LPP: variants seen among roughly 807,000 people sequenced by gnomAD.
LPP encodes the protein lipoma-preferred partner.
Under a neutral mutation model 60.4 loss-of-function variants are expected in LPP, and 38 were observed. That is an observed-to-expected ratio of 0.63 (90% confidence interval 0.49 to 0.83). The LOEUF (loss-of-function observed/expected upper bound fraction) is 0.83. LPP is among the 40% of genes least tolerant of loss of function. The pLI is 0.00. For synonymous variants in LPP, 328 were observed against 290.8 expected (o/e 1.13, Z -1.30); for missense variants, 902 against 783.6 (o/e 1.15, Z -1.80).
intron 2 of LPP, among the ~76,000 whole-genome samples, chr3:188,243,216 T>A (rs1282519791): frequency 6.6e-6 from 1 of 152,164 alleles, no homozygotes; most frequent in African/African-American, 2.4e-5. Flanking sequence ...GAAACTTGAT[T>A]TTTTCTGTTC....
chr3:188,720,798 A>T (rs78040873), intron 8 of LPP, among the ~76,000 whole-genome samples: 4,974 of 152,284 alleles, frequency 0.033, 139 homozygotes, highest in South Asian at 0.1. Context: ...TTGAGCTTGC[A>T]TGAGCCTTGA....
At chr3:188,190,820 T>C (rs1037537787) in intron 1 of LPP, among the ~76,000 whole-genome samples, 1 of 152,226 alleles carries the variant, frequency 6.6e-6, no homozygotes, top group African/African-American at 2.4e-5. Context: ...ACTGTGAAAG[T>C]TGAGCAAGTC....
chr3:188,872,395 A>G (rs1434564772), intron 10 of LPP, among the ~76,000 whole-genome samples: 1 of 152,188 alleles, frequency 6.6e-6, no homozygotes, highest in Non-Finnish European at 1.5e-5. Flanking sequence ...CGCACCATGC[A>G]GGAAAGAGAT....
intron 1 of LPP, among the ~76,000 whole-genome samples, chr3:188,187,816 T>A (rs1727041258): frequency 6.6e-6 from 1 of 152,162 alleles, no homozygotes; most frequent in Non-Finnish European, 1.5e-5. Flanking sequence ...CATTATCTGT[T>A]AGTCATCATT....
chr3:188,701,944 C>CTTTTTTTTTTTTTTTTTTTTTTTTTTT (rs35803152), intron 7 of LPP, among the ~76,000 whole-genome samples: 2 of 83,550 alleles, frequency 2.4e-5, no homozygotes, highest in Non-Finnish European at 4.1e-5. Flanking sequence ...GTTTTTTTCC[C>CTTTTTTTTTTTTTTTTTTTTTTTTTTT]TTTTTTTTTT....
intron 7 of LPP, among the ~76,000 whole-genome samples, chr3:188,617,234 C>A (rs557172753): frequency 1.3e-5 from 2 of 152,298 alleles, no homozygotes; most frequent in Admixed American, 1.3e-4. Flanking sequence ...TAAGTCTTAA[C>A]CCCTTACATT....
At chr3:188,516,323 T>G (rs1212382934) in intron 5 of LPP, among the ~76,000 whole-genome samples, 2 of 152,170 alleles carry the variant, frequency 1.3e-5, no homozygotes, top group Non-Finnish European at 2.9e-5. Context: ...ATAGATCATA[T>G]TTTCTGCAAT....
At chr3:188,616,463 G>C (rs1205369670) in intron 7 of LPP, among the ~76,000 whole-genome samples, 1 of 152,148 alleles carries the variant, frequency 6.6e-6, no homozygotes, top group African/African-American at 2.4e-5. Flanking sequence ...TTCAATACCA[G>C]TACCATGTTG....
intron 2 of LPP, among the ~76,000 whole-genome samples, chr3:188,298,417 C>T (rs577441683): frequency 3.9e-5 from 6 of 152,284 alleles, no homozygotes; most frequent in Admixed American, 3.3e-4. Context: ...CTTTGCTTCT[C>T]TTAAATACCA....
intron 3 of LPP, among the ~76,000 whole-genome samples, chr3:188,366,175 T>C (rs1771105305): frequency 6.6e-6 from 1 of 152,226 alleles, no homozygotes; most frequent in Admixed American, 6.5e-5. Flanking sequence ...TAAGCAACAT[T>C]TCCTCCAGAT....
chr3:188,684,944 A>G (rs1426592196), intron 7 of LPP, among the ~76,000 whole-genome samples: 1 of 152,240 alleles, frequency 6.6e-6, no homozygotes, highest in Non-Finnish European at 1.5e-5. Flanking sequence ...CTAGTCAGTA[A>G]TTGGTGCCTC....
intron 8 of LPP, among the ~76,000 whole-genome samples, chr3:188,745,045 C>T (rs1348510591): frequency 6.6e-6 from 1 of 152,038 alleles, no homozygotes; most frequent in Non-Finnish European, 1.5e-5. Context: ...CATTGAGTCT[C>T]CTTTCTTTTT....
chr3:188,735,041 T>G (rs181861089), intron 8 of LPP, among the ~76,000 whole-genome samples: 1 of 152,270 alleles, frequency 6.6e-6, no homozygotes, highest in East Asian at 1.9e-4. Context: ...ATAAGCAGAA[T>G]TCCTTTTTAA....
intron 2 of LPP, among the ~76,000 whole-genome samples, chr3:188,236,572 C>A (rs1243716110): frequency 6.6e-6 from 1 of 152,162 alleles, no homozygotes; most frequent in Non-Finnish European, 1.5e-5. Flanking sequence ...GGTTCAGTTG[C>A]AGACCACCAC....
intron 9 of LPP, among the ~76,000 whole-genome samples, chr3:188,778,194 A>G (rs1252312576): frequency 6.6e-6 from 1 of 152,236 alleles, no homozygotes; most frequent in East Asian, 1.9e-4. Flanking sequence ...CCATGTTTTC[A>G]AAATAATGGA....
chr3:188,301,496 A>G (rs1378735679), intron 2 of LPP, among the ~76,000 whole-genome samples: 3 of 152,212 alleles, frequency 2.0e-5, no homozygotes, highest in African/African-American at 7.2e-5. Flanking sequence ...TGTTTTGCTA[A>G]GAATCAGTTG....
intron 9 of LPP, among the ~76,000 whole-genome samples, chr3:188,823,036 A>G (rs1754427319): frequency 6.6e-6 from 1 of 152,120 alleles, no homozygotes; most frequent in African/African-American, 2.4e-5. Flanking sequence ...TGGACATTTT[A>G]TAATTCAATT....
At chr3:188,698,262 A>G (rs1863698376) in intron 7 of LPP, among the ~76,000 whole-genome samples, 2 of 152,138 alleles carry the variant, frequency 1.3e-5, no homozygotes, top group African/African-American at 4.8e-5. Context: ...AACCTTGAAT[A>G]ATGGTTCATT....
At chr3:188,669,532 C>T (rs921499530) in intron 7 of LPP, among the ~76,000 whole-genome samples, 6 of 152,036 alleles carry the variant, frequency 3.9e-5, no homozygotes, top group Non-Finnish European at 8.8e-5. Context: ...GCCGAGATCG[C>T]ACCACTGCAC....
Sources: allele counts gnomAD v4.1 joint callset (sites outside exome capture counted in the v4.1 genomes callset), GRCh38; gene constraint gnomAD v4.1.1; transcripts MANE v1.5; gene names NCBI Gene and HGNC (gene_info 2026-07-23, HGNC 2026-07-21).